Variants in BABAM2 observed in about 807,000 individuals in gnomAD.
BABAM2 encodes BRISC and BRCA1 A complex member 2, also known as BRISC and BRCA1-A complex member 2.
A neutral mutation model predicts 54.7 loss-of-function variants in BABAM2; 31 were observed. The ratio of observed to expected loss-of-function variants is 0.57; its 90% CI spans 0.43 to 0.77. The LOEUF (loss-of-function observed/expected upper bound fraction) is 0.77, where lower values mean the gene tolerates loss of function less well. Ranked by LOEUF, BABAM2 falls within the 30% of genes least tolerant of loss-of-function variation. The probability of loss-of-function intolerance (pLI) is 0.00; values close to 1 mark genes in which losing one functional copy is unlikely to be tolerated. For missense variants in BABAM2, 364 were observed against 455.8 expected (o/e 0.80, Z 1.83); for synonymous variants, 167 against 162.9 (o/e 1.03, Z -0.19).
At chr2:28,293,705 T>C (rs1265551737) in intron 10 of BABAM2, among the ~76,000 whole-genome samples, 2 of 152,180 alleles carry the variant, frequency 1.3e-5, no homozygotes, top group Non-Finnish European at 2.9e-5. Context: ...TTCAGCAAGT[T>C]CTTGAAGAAT....
intron 6 of BABAM2, among the ~76,000 whole-genome samples, chr2:28,051,094 C>T (rs1469836632): frequency 6.6e-6 from 1 of 152,156 alleles, no homozygotes; most frequent in Non-Finnish European, 1.5e-5. Context: ...CTTCAGTTCC[C>T]AATCTTCCTG....
intron 4 of BABAM2, among the ~76,000 whole-genome samples, chr2:28,000,373 T>A (rs1673493359): frequency 6.6e-6 from 1 of 152,146 alleles, no homozygotes; most frequent in South Asian, 2.1e-4. Context: ...TTTGTCTGAT[T>A]TTTTTTCATG....
intron 3 of BABAM2, among the ~76,000 whole-genome samples, chr2:27,955,668 T>A (rs991228032): frequency 1.3e-5 from 2 of 152,212 alleles, no homozygotes; most frequent in Admixed American, 6.5e-5. Flanking sequence ...GCTTTGATTG[T>A]CAAGGACAGT....
intron 6 of BABAM2, among the ~76,000 whole-genome samples, chr2:28,054,455 T>G (rs1252279012): frequency 1.3e-5 from 2 of 152,228 alleles, no homozygotes. Flanking sequence ...ATCTGAAATT[T>G]TATACCCACC....
At chr2:28,252,186 C>CAAA (rs1280015583) in intron 10 of BABAM2, among the ~76,000 whole-genome samples, 1 of 97,400 alleles carries the variant, frequency 1.0e-5, no homozygotes, top group African/African-American at 3.6e-5. Context: ...AACTCCATCT[C>CAAA]AAAAAAAAAA....
intron 7 of BABAM2, among the ~76,000 whole-genome samples, chr2:28,206,505 C>A (rs1678854958): frequency 6.6e-6 from 1 of 152,076 alleles, no homozygotes. Flanking sequence ...CTTAGTTTTT[C>A]TTCCGGGTTC....
chr2:27,956,139 C>T (rs1484980759), intron 3 of BABAM2, among the ~76,000 whole-genome samples: 1 of 152,050 alleles, frequency 6.6e-6, no homozygotes, highest in African/African-American at 2.4e-5. Context: ...GAGTTGTCTT[C>T]TTTTCATCTT....
intron 2 of BABAM2, among the ~76,000 whole-genome samples, chr2:27,895,714 C>G (rs1398818490): frequency 6.6e-6 from 1 of 152,156 alleles, no homozygotes. Context: ...ATTTCAGCAT[C>G]CATGGATGAT....
chr2:27,980,221 T>G (rs1053438736), intron 3 of BABAM2, among the ~76,000 whole-genome samples: 3 of 152,182 alleles, frequency 2.0e-5, no homozygotes, highest in Admixed American at 6.5e-5. Context: ...TTTATTTCTT[T>G]GTTCTCCTGC....
At chr2:28,114,627 A>G (rs1558350239) in intron 6 of BABAM2, among the ~76,000 whole-genome samples, 1 of 152,230 alleles carries the variant, frequency 6.6e-6, no homozygotes, top group African/African-American at 2.4e-5. Context: ...TTGGCAAATC[A>G]TGAGTGTTGA....
chr2:28,321,929 G>A (rs1003187927), intron 11 of BABAM2, among the ~76,000 whole-genome samples: 1 of 150,440 alleles, frequency 6.6e-6, no homozygotes, highest in Non-Finnish European at 1.5e-5. Context: ...TATTTATTCT[G>A]ATAAAGTGAG....
intron 2 of BABAM2, among the ~76,000 whole-genome samples, chr2:27,922,889 C>G (rs1474885205): frequency 1.3e-5 from 2 of 152,144 alleles, no homozygotes; most frequent in East Asian, 3.8e-4. Context: ...TTGGCTCTAA[C>G]TATGTGTGAG....
chr2:28,036,363 C>G (rs1676659871), intron 5 of BABAM2, among the ~76,000 whole-genome samples: 1 of 152,052 alleles, frequency 6.6e-6, no homozygotes, highest in African/African-American at 2.4e-5. Context: ...AAAGAGTTTC[C>G]TAGTTTTTCA....
At chr2:28,190,784 C>T (rs1015271035) in intron 7 of BABAM2, among the ~76,000 whole-genome samples, 5 of 152,120 alleles carry the variant, frequency 3.3e-5, no homozygotes, top group African/African-American at 1.2e-4. Flanking sequence ...CCATTAATAC[C>T]ATCACCTGAG....
intron 2 of BABAM2, among the ~76,000 whole-genome samples, chr2:27,917,149 C>G (rs1156524321): frequency 1.3e-5 from 2 of 151,528 alleles, no homozygotes; most frequent in Non-Finnish European, 2.9e-5. Flanking sequence ...TCCCAAGTGG[C>G]TGGGGCTACA....
intron 11 of BABAM2, among the ~76,000 whole-genome samples, chr2:28,302,405 A>T (rs1385947340): frequency 2.3e-5 from 3 of 131,146 alleles, no homozygotes; most frequent in Non-Finnish European, 3.2e-5. Context: ...TGACAGAGCG[A>T]GACTCCATCT....
At chr2:28,017,597 A>G (rs563458942) in intron 4 of BABAM2, among the ~76,000 whole-genome samples, 1 of 152,214 alleles carries the variant, frequency 6.6e-6, no homozygotes, top group Non-Finnish European at 1.5e-5. Flanking sequence ...AGAGTCGTGC[A>G]GTCATCAATT....
At chr2:28,166,641 A>G (rs1176609346) in intron 7 of BABAM2, among the ~76,000 whole-genome samples, 1 of 152,098 alleles carries the variant, frequency 6.6e-6, no homozygotes, top group Non-Finnish European at 1.5e-5. Flanking sequence ...CCTTCTTTGC[A>G]CTGGCGTGAC....
At chr2:28,213,098 G>A (rs973598234) in intron 7 of BABAM2, among the ~76,000 whole-genome samples, 9 of 152,068 alleles carry the variant, frequency 5.9e-5, no homozygotes, top group Non-Finnish European at 1.0e-4. Context: ...GTGGTGGCAC[G>A]CACCTGTGGT....
Sources: gnomAD v4.1 joint callset for allele counts (sites outside exome capture counted in the v4.1 genomes callset) on GRCh38, gnomAD v4.1.1 for gene constraint, MANE v1.5 for transcripts, NCBI Gene and HGNC (gene_info 2026-07-23, HGNC 2026-07-21) for gene names.